CRPPA: variants seen among roughly 807,000 people sequenced by gnomAD.
CRPPA encodes the protein D-ribitol-5-phosphate cytidylyltransferase.
A neutral mutation model predicts 52.0 loss-of-function variants in CRPPA; 43 were observed. The observed-to-expected ratio is 0.83, with a 90% CI of 0.65 to 1.07. The LOEUF is 1.07. Ranked by LOEUF, CRPPA falls within the 50% of genes least tolerant of loss-of-function variation. The pLI is 0.00. For missense variants in CRPPA, 629 were observed against 551.7 expected (o/e 1.14, Z -1.40); for synonymous variants, 250 against 203.5 (o/e 1.23, Z -1.94).
At chr7:16,249,224 C>A (rs1295162) in intron 8 of CRPPA, among the ~76,000 whole-genome samples, 14 of 151,986 alleles carry the variant, frequency 9.2e-5, no homozygotes, top group African/African-American at 4.8e-5. Context: ...GGCAGCAGCC[C>A]CAGTCAGGGG....
At position 16,308,630 on chromosome 7, in the gene CRPPA, G is replaced by A. The variant is rs776027620; in HGVS notation, c.685-3C>T. On this transcript the variant is annotated splice_polypyrimidine_tract_variant and splice_region_variant and intron_variant, in intron 3 of 9. Coordinates refer to ENST00000407010, the MANE Select transcript of CRPPA (RefSeq NM_001101426.4). ...AATTCCAAGTCATAGTCACTACACT[G>A]GTGTGGAAACAACAACAACAACAAT... 2.6e-6 allele frequency: 4 copies of A among 1,538,816 alleles called. No homozygotes were observed. The highest frequency in any genetic ancestry group is 1.7e-5 in the Admixed American group (1 of 58,866).
At position 16,374,326 on chromosome 7, in the gene CRPPA, C is replaced by T. The variant is rs139028059; in HGVS notation, c.684+1766G>A. Among the ~76,000 whole-genome samples, 992 of 152,266 alleles carry T rather than the reference C, an allele frequency of 6.5e-3. 7 individuals are homozygous for T. The highest frequency in any genetic ancestry group is 0.022 in the African/African-American group (930 of 41,558). Reference sequence around the variant, plus strand: ...GCCCTTGGACATCAGACAACAGGCTCTTCAGCCTTTGAAGGCTGCACTCTC... The same window carrying T: ...GCCCTTGGACATCAGACAACAGGCTTTTCAGCCTTTGAAGGCTGCACTCTC... On this transcript the variant is annotated intron_variant, in intron 3 of 9. Transcript: ENST00000407010.
intron 8 of CRPPA, among the ~76,000 whole-genome samples, chr7:16,254,608 G>A (rs976573767): frequency 2.6e-5 from 4 of 151,828 alleles, no homozygotes; most frequent in Non-Finnish European, 5.9e-5. Context: ...GGAGTGGGCA[G>A]GGACAGCATT....
intron 2 of CRPPA, among the ~76,000 whole-genome samples, chr7:16,383,541 C>T (rs956228056): frequency 2.0e-5 from 3 of 152,160 alleles, no homozygotes; most frequent in African/African-American, 4.8e-5. Flanking sequence ...GACAGGAACA[C>T]TTAAGTCTGC....
intron 5 of CRPPA, among the ~76,000 whole-genome samples, chr7:16,284,859 C>A (rs904691312): frequency 6.6e-6 from 1 of 152,044 alleles, no homozygotes; most frequent in Non-Finnish European, 1.5e-5. Flanking sequence ...AATGACTGTA[C>A]TTGTACCACG....
chr7:16,378,516 G>A (rs1786971977), intron 2 of CRPPA, among the ~76,000 whole-genome samples: 1 of 151,776 alleles, frequency 6.6e-6, no homozygotes, highest in African/African-American at 2.4e-5. Flanking sequence ...ATCATTGTTG[G>A]ACATTTGGGT....
At chr7:16,153,351 A>G (rs537108881) in intron 9 of CRPPA, among the ~76,000 whole-genome samples, 5 of 152,220 alleles carry the variant, frequency 3.3e-5, no homozygotes, top group African/African-American at 1.2e-4. Flanking sequence ...CTCATGAGCT[A>G]ATAACTTTTT....
At chr7:16,316,049 C>T (rs1040921234) in intron 3 of CRPPA, among the ~76,000 whole-genome samples, 2 of 152,122 alleles carry the variant, frequency 1.3e-5, no homozygotes, top group East Asian at 3.9e-4. Flanking sequence ...CCCCCATGCA[C>T]TCTTTTTCAG....
intron 2 of CRPPA, among the ~76,000 whole-genome samples, chr7:16,387,690 C>G (rs1787325276): frequency 1.3e-5 from 2 of 151,978 alleles, no homozygotes; most frequent in African/African-American, 2.4e-5. Flanking sequence ...ATAAACAATC[C>G]AACAATATTT....
intron 3 of CRPPA, among the ~76,000 whole-genome samples, chr7:16,358,651 G>A (rs901359122): frequency 5.3e-5 from 8 of 152,124 alleles, no homozygotes; most frequent in African/African-American, 1.7e-4. Flanking sequence ...ACTATAAGCA[G>A]AAAACTCCCA....
chr7:16,145,293 C>A (rs1322809762), intron 9 of CRPPA, among the ~76,000 whole-genome samples: 1 of 152,162 alleles, frequency 6.6e-6, no homozygotes, highest in African/African-American at 2.4e-5. Flanking sequence ...CTGGCACAAC[C>A]ATAGGACCCC....
At chr7:16,316,604 G>C (rs1300016901) in intron 3 of CRPPA, among the ~76,000 whole-genome samples, 8 of 152,072 alleles carry the variant, frequency 5.3e-5, no homozygotes, top group Admixed American at 5.2e-4. Context: ...TTTCATGCCT[G>C]TAATCTCAGT....
At chr7:16,112,414 C>T (rs1466252679) in intron 9 of CRPPA, among the ~76,000 whole-genome samples, 1 of 151,918 alleles carries the variant, frequency 6.6e-6, no homozygotes, top group African/African-American at 2.4e-5. Context: ...AGATAGCTAT[C>T]ATTTGGGTGC....
Position 16,089,468 on chromosome 7 carries a change from T to TGTAC in CRPPA, c.*2223_*2226dup, listed in dbSNP as rs58170479. On this transcript the variant is annotated 3_prime_UTR_variant, in exon 10 of 10. Transcript: ENST00000407010. The stretch of plus-strand genomic sequence containing the variant: ...ACGTGCATACATATATGTGTATATA[T>TGTAC]GTACGTACATATATACGGGTATATA... 9.3e-3 allele frequency: 3,028 copies of TGTAC among 326,828 alleles called. 99 individuals carry two copies. The highest frequency in any genetic ancestry group is 0.058 in the African/African-American group (2,741 of 47,304). The allele number at this position is 326,828 out of a possible 1,614,324, so 20.2% of individuals were successfully genotyped here.
chr7:16,203,385 T>A (rs746197606), intron 9 of CRPPA, among the ~76,000 whole-genome samples: 1 of 152,040 alleles, frequency 6.6e-6, no homozygotes, highest in Non-Finnish European at 1.5e-5. Flanking sequence ...GAAAGAACAC[T>A]CACATGGGCC....
chr7:16,284,616 G>A (rs1784385447), intron 5 of CRPPA, among the ~76,000 whole-genome samples: 1 of 152,006 alleles, frequency 6.6e-6, no homozygotes. Flanking sequence ...TTCACCAAAC[G>A]TGCCATAATC....
In CRPPA at chr7:16,189,394, C is replaced by T. The variant is rs537703851; in HGVS notation, c.1251+26672G>A. Among the ~76,000 whole-genome samples the T allele has an allele frequency of 6.0e-4, 92 of 152,188 alleles. 3 individuals are homozygous for T. In the South Asian group the frequency reaches 0.012, roughly 19 times the overall value. ...GTACACAAGAAAAATTCAGAATGTA[C>T]GGTGATTTCTACCCAGATGGCAATA... On this transcript the variant is annotated intron_variant, in intron 9 of 9. Coordinates refer to ENST00000407010, the MANE Select transcript of CRPPA (RefSeq NM_001101426.4).
chr7:16,376,140 T>G lies in CRPPA; in HGVS notation c.636A>C (p.Glu212Asp), dbSNP rs1008210645. ...SLERARHRASEMPQAFLFDVI... is the reference protein window; with the variant it reads ...SLERARHRASDMPQAFLFDVI... ...CATCAAATAGAAAAGCTTGGGGCAT[T>G]TCACTTGCTCTGTGTCTGGCACGTT... The change falls in exon 3 of 10, where the codon GAA (glutamate) becomes GAC (aspartate). Residue 212 changes from glutamate to aspartate, a missense_variant. Physicochemically the swap from Glu to Asp is conservative, Grantham distance 45. Transcript: ENST00000407010. 3 of 1,612,320 alleles carry G rather than the reference T, an allele frequency of 1.9e-6. No individual in the cohort carries two copies. In the African/African-American group the frequency reaches 4.0e-5, roughly 22 times the overall value.
At chr7:16,105,102 G>T (rs542886862) in intron 9 of CRPPA, among the ~76,000 whole-genome samples, 1 of 152,248 alleles carries the variant, frequency 6.6e-6, no homozygotes, top group Admixed American at 6.5e-5. Context: ...AGATTTTGTG[G>T]AAGTCATTAT....
Sources: allele counts gnomAD v4.1 joint callset (sites outside exome capture counted in the v4.1 genomes callset), GRCh38; gene constraint gnomAD v4.1.1; transcripts MANE v1.5; gene names NCBI Gene and HGNC (gene_info 2026-07-23, HGNC 2026-07-21).